CTNNA3: variants seen among roughly 807,000 people sequenced by gnomAD.
CTNNA3 encodes the protein catenin alpha-3.
CTNNA3 carries 76 observed loss-of-function variants against 95.7 expected under a neutral mutation model. The ratio of observed to expected loss-of-function variants is 0.79; its 90% confidence interval spans 0.66 to 0.96. CTNNA3 has a LOEUF of 0.96. Among genes scored for constraint, CTNNA3 ranks in the 40% least tolerant of loss-of-function variants. CTNNA3 has a pLI of 0.00. For synonymous variants in CTNNA3, 431 were observed against 374.4 expected, an observed-to-expected ratio of 1.15 and a Z score of -1.74; for missense variants, 1,191 against 1,089.8, an observed-to-expected ratio of 1.09 and a Z score of -1.31.
intron 12 of CTNNA3, among the ~76,000 whole-genome samples, chr10:66,284,424 C>T (rs981254897): frequency 5.9e-5 from 9 of 151,898 alleles, no homozygotes; most frequent in Non-Finnish European, 1.0e-4. Flanking sequence ...TAAATCTGCA[C>T]TGCTTTCTTT....
intron 1 of CTNNA3, among the ~76,000 whole-genome samples, chr10:67,705,353 C>G (rs1326692211): frequency 1.3e-5 from 2 of 151,870 alleles, no homozygotes; most frequent in East Asian, 1.9e-4. Flanking sequence ...GCACTATTCA[C>G]AAGAGCAAAG....
chr10:66,832,986 C>A (rs1373293902), intron 7 of CTNNA3, among the ~76,000 whole-genome samples: 1 of 152,188 alleles, frequency 6.6e-6, no homozygotes, highest in African/African-American at 2.4e-5. Flanking sequence ...TATCAACTTC[C>A]TCCAAGGCAG....
chr10:67,391,812 C>A (rs1025210408), intron 5 of CTNNA3, among the ~76,000 whole-genome samples: 1 of 151,216 alleles, frequency 6.6e-6, no homozygotes, highest in East Asian at 1.9e-4. Context: ...GGAAAGGATT[C>A]CCTGTTTAAT....
intron 7 of CTNNA3, among the ~76,000 whole-genome samples, chr10:67,016,374 T>C (rs1249131484): frequency 6.6e-6 from 1 of 152,152 alleles, no homozygotes; most frequent in Non-Finnish European, 1.5e-5. Flanking sequence ...CCTCGTTTCT[T>C]TTTGTTTGTT....
chr10:66,720,197 G>A (rs941764569), intron 9 of CTNNA3, among the ~76,000 whole-genome samples: 7 of 148,150 alleles, frequency 4.7e-5, no homozygotes, highest in Non-Finnish European at 8.9e-5. Flanking sequence ...AAAAAAAAAT[G>A]AAAGAGAGAA....
At chr10:67,079,835 G>A (rs879287625) in intron 7 of CTNNA3, among the ~76,000 whole-genome samples, 3 of 150,800 alleles carry the variant, frequency 2.0e-5, no homozygotes, top group South Asian at 2.1e-4. Flanking sequence ...GTGGCACAGC[G>A]AGACTCCATC....
intron 5 of CTNNA3, among the ~76,000 whole-genome samples, chr10:67,446,259 C>A (rs1324534670): frequency 1.3e-5 from 2 of 152,136 alleles, no homozygotes; most frequent in African/African-American, 4.8e-5. Context: ...ATACTGTGCT[C>A]TCCTACACTC....
chr10:67,025,541 A>G (rs1589622369), intron 7 of CTNNA3, among the ~76,000 whole-genome samples: 1 of 152,146 alleles, frequency 6.6e-6, no homozygotes, highest in Non-Finnish European at 1.5e-5. Flanking sequence ...GTGAAAATGT[A>G]TTTTGCATCT....
At chr10:66,310,395 A>T (rs1393302284) in intron 12 of CTNNA3, among the ~76,000 whole-genome samples, 12 of 152,188 alleles carry the variant, frequency 7.9e-5, no homozygotes, top group Admixed American at 7.9e-4. Flanking sequence ...TTCTAAATTT[A>T]GTTCAGTACC....
At chr10:66,038,180 T>C (rs1893388) in intron 15 of CTNNA3, among the ~76,000 whole-genome samples, 25,724 of 152,264 alleles carry the variant, frequency 0.17, 2,487 homozygotes, top group Admixed American at 0.25. Context: ...AAACATGGTA[T>C]GGAAAACATT....
At position 65,993,531 on chromosome 10, in the gene CTNNA3, TA is replaced by T. The variant is rs1484124214; in HGVS notation, c.2160-4735del. 1.3e-5 allele frequency among the ~76,000 whole-genome samples: 2 copies of T among 152,368 alleles called. 1 individual carries two copies. Among genetic ancestry groups the T allele is most frequent in the South Asian group, 4.1e-4 (2 of 4,832 alleles). ...TGTCTCTTTTTTACTGTTTTTGACT[TA>T]AAAATGTTTTTATCAGATATAAGTA... On this transcript the variant is annotated intron_variant, in intron 15 of 17. Coordinates refer to ENST00000433211, the MANE Select transcript of CTNNA3 (RefSeq NM_013266.4).
chr10:66,291,186 C>T (rs10762048), intron 12 of CTNNA3, among the ~76,000 whole-genome samples: 66,959 of 151,962 alleles, frequency 0.44, 15,443 homozygotes, highest in African/African-American at 0.59. Context: ...TCCCTGATTG[C>T]ATTTTCTCAT....
intron 7 of CTNNA3, among the ~76,000 whole-genome samples, chr10:67,105,470 AC>A (rs1167256579): frequency 6.6e-6 from 1 of 152,168 alleles, no homozygotes; most frequent in Non-Finnish European, 1.5e-5. Context: ...TAATTCACAT[AC>A]ACCTTGTCAA....
chr10:66,061,774 T>C (rs1040153846), intron 15 of CTNNA3, among the ~76,000 whole-genome samples: 25 of 152,090 alleles, frequency 1.6e-4, no homozygotes. Flanking sequence ...CCACACCTCA[T>C]TCAAAATCGA....
chr10:65,919,852 G>C lies in CTNNA3; in HGVS notation c.*478C>G. ...GGAATCATACATTTCTGCCTGGTTA[G>C]GTGCCAGGTTAGATCAGATAAAGAA... On this transcript the variant is annotated 3_prime_UTR_variant, in exon 18 of 18. Transcript: ENST00000433211. The C allele has an allele frequency of 6.5e-6, 1 of 154,934 alleles. No individual in the cohort carries two copies. The highest frequency in any genetic ancestry group is 1.9e-4 in the East Asian group (1 of 5,256). The allele number at this position is 154,934 out of a possible 1,614,324, so 9.6% of individuals were successfully genotyped here. A position where few individuals can be genotyped will look rare whatever the true frequency, so the allele number is the denominator to read the frequency against.
chr10:66,525,635 G>A (rs184732962), intron 10 of CTNNA3, among the ~76,000 whole-genome samples: 3 of 152,154 alleles, frequency 2.0e-5, no homozygotes, highest in Non-Finnish European at 4.4e-5. Flanking sequence ...GAGAGTGTGT[G>A]TGTGTGCATG....
At chr10:67,506,924 C>A in intron 5 of CTNNA3, among the ~76,000 whole-genome samples, 1 of 152,310 alleles carries the variant, frequency 6.6e-6, no homozygotes, top group African/African-American at 2.4e-5. Context: ...CAGTGGACAA[C>A]CCAGAGCTAA....
intron 11 of CTNNA3, among the ~76,000 whole-genome samples, chr10:66,465,511 C>A (rs1838875444): frequency 6.6e-6 from 1 of 152,146 alleles, no homozygotes; most frequent in Non-Finnish European, 1.5e-5. Context: ...AAGACCTGCA[C>A]TGAAGCGTGT....
At chr10:66,216,919 T>A (rs1057417739) in intron 13 of CTNNA3, among the ~76,000 whole-genome samples, 1 of 152,114 alleles carries the variant, frequency 6.6e-6, no homozygotes, top group African/African-American at 2.4e-5. Context: ...ACAGCTAAAA[T>A]ACAGACCTAT....
Sources: allele counts gnomAD v4.1 joint callset (sites outside exome capture counted in the v4.1 genomes callset), GRCh38; gene constraint gnomAD v4.1.1; transcripts MANE v1.5; gene names NCBI Gene and HGNC (gene_info 2026-07-23, HGNC 2026-07-21).